SMIM8: variants seen among roughly 807,000 people sequenced by gnomAD.
The protein encoded by SMIM8 is UPF0708 protein C6orf162.
A neutral mutation model predicts 8.1 loss-of-function variants in SMIM8; 8 were observed. The observed-to-expected ratio is 0.99, with a 90% CI of 0.58 to 1.78. The LOEUF (loss-of-function observed/expected upper bound fraction) is 1.78. SMIM8 is among the 40% of genes most tolerant of loss of function. The pLI is 0.00. For synonymous variants in SMIM8, 45 were observed against 39.7 expected, an observed-to-expected ratio of 1.13 and a Z score of -0.50; for missense variants, 126 against 119.8, an observed-to-expected ratio of 1.05 and a Z score of -0.24.
At chr6:87,330,057 T>C (rs546429307) in intron 1 of SMIM8, among the ~76,000 whole-genome samples, 1 of 152,338 alleles carries the variant, frequency 6.6e-6, no homozygotes, top group Admixed American at 6.5e-5. Flanking sequence ...TCTGAGGTTA[T>C]GCTATGTTTC....
At chr6:87,333,459 C>A (rs1356565071) in intron 2 of SMIM8, among the ~76,000 whole-genome samples, 1 of 152,172 alleles carries the variant, frequency 6.6e-6, no homozygotes, top group Non-Finnish European at 1.5e-5. Context: ...ATCACTGACA[C>A]CTGTTATAGG....
intron 1 of SMIM8, among the ~76,000 whole-genome samples, chr6:87,325,476 AG>A (rs1776794001): frequency 3.8e-5 from 4 of 106,568 alleles, no homozygotes; most frequent in African/African-American, 1.2e-4. Context: ...TTTAGCATGA[AG>A]GGTTATTGAA....
rs911668468 is a variant in SMIM8 at position 87,340,990 on chromosome 6, A to G, written c.*716A>G. On this transcript the variant is annotated 3_prime_UTR_variant, in exon 4 of 4. Coordinates refer to ENST00000392863, the MANE Select transcript of SMIM8 (RefSeq NM_001042493.3). ...CTGAGGTATGATGATTTTGACTACA[A>G]CTAAATGTTATCTATTTTAGTGTTT... is the stretch of plus-strand genomic sequence containing the variant. 3.6e-6 allele frequency: 1 copy of G among 275,220 alleles called. No homozygotes were observed. The allele number at this position is 275,220 out of a possible 1,614,324, so 17.0% of individuals were successfully genotyped here. A position where few individuals can be genotyped will look rare whatever the true frequency, so the allele number is the denominator to read the frequency against.
intron 3 of SMIM8, among the ~76,000 whole-genome samples, chr6:87,337,584 A>C (rs1777140161): frequency 1.3e-5 from 2 of 152,340 alleles, no homozygotes; most frequent in South Asian, 4.1e-4. Context: ...TAATATTTTT[A>C]TCTAAGCAAT....
rs1468940345 is a variant in SMIM8 at position 87,341,175 on chromosome 6, T to G, written c.*901T>G. 1 of 397,792 alleles carries G rather than the reference T, an allele frequency of 2.5e-6. No homozygotes were observed. Among genetic ancestry groups the G allele is most frequent in the Non-Finnish European group, 4.4e-6 (1 of 225,672 alleles). The allele number at this position is 397,792 out of a possible 1,614,324, so 24.6% of individuals were successfully genotyped here. ...AAGGTCTCCTTATTGTACCTTTTTT[T>G]TCTTTTGAAGTTTATATGCCAGCAG... On this transcript the variant is annotated 3_prime_UTR_variant, in exon 4 of 4. Coordinates refer to ENST00000392863, the MANE Select transcript of SMIM8 (RefSeq NM_001042493.3).
intron 1 of SMIM8, among the ~76,000 whole-genome samples, chr6:87,324,052 T>G (rs1235689208): frequency 6.6e-6 from 1 of 150,876 alleles, no homozygotes; most frequent in Non-Finnish European, 1.5e-5. Flanking sequence ...TCATGTGTGT[T>G]TTGGCTGCAT....
intron 2 of SMIM8, among the ~76,000 whole-genome samples, chr6:87,333,303 G>T (rs1250144913): frequency 1.3e-5 from 2 of 152,100 alleles, no homozygotes; most frequent in Non-Finnish European, 2.9e-5. Flanking sequence ...TATTCATGAG[G>T]GATCCACCCC....
chr6:87,336,983 G>GA (rs1201221527), intron 2 of SMIM8, 26 bp from the exon 3 acceptor site: 6 of 1,514,756 alleles, frequency 4.0e-6, no homozygotes, highest in Non-Finnish European at 4.4e-6. Flanking sequence ...ATTATGAAGG[G>GA]AAAAAATATA....
intron 1 of SMIM8, among the ~76,000 whole-genome samples, chr6:87,325,180 G>T (rs1182658540): frequency 6.6e-6 from 1 of 152,100 alleles, no homozygotes; most frequent in Non-Finnish European, 1.5e-5. Context: ...AGACAATGGG[G>T]TTTTCTAGGT....
In SMIM8 at chr6:87,331,555, C is replaced by G. The variant is rs528036171; in HGVS notation, c.-24+843C>G. On this transcript the variant is annotated intron_variant, in intron 2 of 3. Transcript: ENST00000392863. Reference sequence around the variant, plus strand: ...ATACTTGTACAGCTCTGTGGGCTGGCATGTGAACAAATACAGAAGAATTTT... The same window carrying G: ...ATACTTGTACAGCTCTGTGGGCTGGGATGTGAACAAATACAGAAGAATTTT... Among the ~76,000 whole-genome samples, 62 of 152,234 alleles carry G rather than the reference C, an allele frequency of 4.1e-4. 1 individual carries two copies. The highest frequency in any genetic ancestry group is 1.4e-3 in the African/African-American group (58 of 41,538).
chr6:87,341,479 C>CA lies in SMIM8; in HGVS notation c.*1205_*1206insA, dbSNP rs1180228982. On this transcript the variant is annotated 3_prime_UTR_variant, in exon 4 of 4. Transcript: ENST00000392863. ...ATCTTTCTTACAAGGGTTCTGGACC[C>CA]GTTTCATTTCTAGATATATACCTAA... 1 of 391,238 alleles carries CA rather than the reference C, an allele frequency of 2.6e-6. No homozygotes were observed. The allele number at this position is 391,238 out of a possible 1,614,324, so 24.2% of individuals were successfully genotyped here. A position where few individuals can be genotyped will look rare whatever the true frequency, so the allele number is the denominator to read the frequency against.
At chr6:87,333,854 C>G (rs1044498570) in intron 2 of SMIM8, among the ~76,000 whole-genome samples, 2 of 152,172 alleles carry the variant, frequency 1.3e-5, no homozygotes, top group Admixed American at 1.3e-4. Context: ...TTAGTCTCTT[C>G]TTGCGTCATT....
chr6:87,328,585 C>T (rs1562221625), intron 1 of SMIM8, among the ~76,000 whole-genome samples: 1 of 152,128 alleles, frequency 6.6e-6, no homozygotes, highest in African/African-American at 2.4e-5. Flanking sequence ...GTCAGGGACC[C>T]ACTTGAGGAG....
At chr6:87,327,558 T>C (rs1231581458) in intron 1 of SMIM8, among the ~76,000 whole-genome samples, 3 of 150,224 alleles carry the variant, frequency 2.0e-5, no homozygotes, top group Non-Finnish European at 3.0e-5. Context: ...AAAATTCTTT[T>C]CTTTAAGAAT....
intron 2 of SMIM8, among the ~76,000 whole-genome samples, chr6:87,331,247 C>G (rs1171601735): frequency 6.6e-6 from 1 of 152,162 alleles, no homozygotes; most frequent in Non-Finnish European, 1.5e-5. Context: ...TGGAAGTGTG[C>G]TGGACATTAA....
In SMIM8 at chr6:87,341,340, C is replaced by G; in HGVS notation, c.*1066C>G. ...AGCCTAGCCCTACGGTCAGTACCCACTGGAGGTGAGAAGCAGAATGGCCTT... is the reference window on the plus strand; with the variant it reads ...AGCCTAGCCCTACGGTCAGTACCCAGTGGAGGTGAGAAGCAGAATGGCCTT... On this transcript the variant is annotated 3_prime_UTR_variant, in exon 4 of 4. Transcript: ENST00000392863. The G allele has an allele frequency of 2.5e-6, 1 of 398,370 alleles. No homozygotes were observed. The highest frequency in any genetic ancestry group is 4.4e-6 in the Non-Finnish European group (1 of 225,984). The allele number at this position is 398,370 out of a possible 1,614,324, so 24.7% of individuals were successfully genotyped here. A position where few individuals can be genotyped will look rare whatever the true frequency, so the allele number is the denominator to read the frequency against.
At position 87,340,354 on chromosome 6, in the gene SMIM8, A is replaced by C; in HGVS notation, c.*80A>C. 1 of 1,324,848 alleles carries C rather than the reference A, an allele frequency of 7.5e-7. No homozygotes were observed. Among genetic ancestry groups the C allele is most frequent in the Middle Eastern group, 2.1e-4 (1 of 4,862 alleles). 82.1% of individuals were successfully genotyped at this position (1,324,848 alleles called of 1,614,324 possible). On this transcript the variant is annotated 3_prime_UTR_variant, in exon 4 of 4. Coordinates refer to ENST00000392863, the MANE Select transcript of SMIM8 (RefSeq NM_001042493.3). ...AAAGACCTTGTGAGTGTACAGTATCATGTTTCTTGTTCTAGAACATGCTAA... is the reference window on the plus strand; with the variant it reads ...AAAGACCTTGTGAGTGTACAGTATCCTGTTTCTTGTTCTAGAACATGCTAA...
Position 87,340,320 on chromosome 6 carries a change from C to G in SMIM8, c.*46C>G. The G allele has an allele frequency of 6.7e-7, 1 of 1,484,568 alleles. No individual in the cohort carries two copies. The highest frequency in any genetic ancestry group is 8.9e-7 in the Non-Finnish European group (1 of 1,120,360). 92.0% of individuals were successfully genotyped at this position (1,484,568 alleles called of 1,614,324 possible). On this transcript the variant is annotated 3_prime_UTR_variant, in exon 4 of 4. Transcript: ENST00000392863. The stretch of plus-strand genomic sequence containing the variant: ...GGACCTTTATTAAAGGTTCTGAAAT[C>G]TTCAAATGAAAGACCTTGTGAGTGT...
At chr6:87,339,434 G>T (rs865799486) in intron 3 of SMIM8, among the ~76,000 whole-genome samples, 3 of 93,130 alleles carry the variant, frequency 3.2e-5, no homozygotes, top group African/African-American at 1.5e-4. Context: ...GTGTGTGTGT[G>T]TTTGTGTGTG....
Sources: gnomAD v4.1 joint callset for allele counts (sites outside exome capture counted in the v4.1 genomes callset) on GRCh38, gnomAD v4.1.1 for gene constraint, MANE v1.5 for transcripts, NCBI Gene and HGNC (gene_info 2026-07-23, HGNC 2026-07-21) for gene names.